Variants in GALNT12 observed in about 807,000 individuals in gnomAD.
GALNT12 encodes polypeptide N-acetylgalactosaminyltransferase 12.
Under a neutral mutation model 55.5 loss-of-function variants are expected in GALNT12, and 45 were observed. The ratio of observed to expected loss-of-function variants is 0.81; its 90% CI spans 0.64 to 1.04. The LOEUF (loss-of-function observed/expected upper bound fraction) is 1.04, where lower values mean the gene tolerates loss of function less well. GALNT12 is among the 50% of genes least tolerant of loss of function. GALNT12 has a pLI of 0.00. For synonymous variants in GALNT12, 304 were observed against 312.2 expected (o/e 0.97, Z 0.28); for missense variants, 709 against 754.8 (o/e 0.94, Z 0.71).
Position 98,831,777 on chromosome 9 carries a change from A to AT in GALNT12, c.738dup (p.Glu247Ter). On this transcript the variant is annotated frameshift_variant, in exon 4 of 10. Transcript: ENST00000375011. LOFTEE classifies it high-confidence loss of function. ...GATGTCTTGGGTGCTTTCAGGATCC[A>AT]TGAAGAGGAGTCGGCAGTGGTGTGC... 10 of 1,614,218 alleles carry AT rather than the reference A, an allele frequency of 6.2e-6. No individual in the cohort carries two copies. The highest frequency in any genetic ancestry group is 7.6e-6 in the Non-Finnish European group (9 of 1,180,046).
At chr9:98,845,873 G>T in intron 8 of GALNT12, 104 bp from the exon 9 acceptor site, 2 of 1,255,874 alleles carry the variant, frequency 1.6e-6, no homozygotes, top group South Asian at 1.3e-5. Context: ...GCAGGTGCAT[G>T]ACCCCACCCA....
intron 1 of GALNT12, among the ~76,000 whole-genome samples, chr9:98,813,691 G>A (rs1312721310): frequency 2.0e-5 from 3 of 151,824 alleles, no homozygotes; most frequent in East Asian, 1.9e-4. Flanking sequence ...GTAGAAACGG[G>A]GTTTCACCAT....
rs1238412781 is a variant in GALNT12 at position 98,807,836 on chromosome 9, G to GGCCGGC, written c.140_141insCGGCGC (p.Gly46_Ala47dup). ...GGGCGCAGCGTGGGGCCGGGGCCGGGGCTGCCGAGCCGGGACCCCCGCGCA... is the reference window on the plus strand; with the variant it reads ...GGGCGCAGCGTGGGGCCGGGGCCGGGGCCGGCGCTGCCGAGCCGGGACCCCCGCGCA... On this transcript the variant is annotated inframe_insertion, in exon 1 of 10. Coordinates refer to ENST00000375011, the MANE Select transcript of GALNT12 (RefSeq NM_024642.5). 2 of 1,016,458 alleles carry GGCCGGC rather than the reference G, an allele frequency of 2.0e-6. No homozygotes were observed. Among genetic ancestry groups the GGCCGGC allele is most frequent in the Non-Finnish European group, 2.3e-6 (2 of 852,742 alleles). 63.0% of individuals were successfully genotyped at this position (1,016,458 alleles called of 1,614,324 possible). A position where few individuals can be genotyped will look rare whatever the true frequency, so the allele number is the denominator to read the frequency against.
intron 1 of GALNT12, among the ~76,000 whole-genome samples, chr9:98,820,551 A>G (rs562486730): frequency 6.6e-6 from 1 of 152,380 alleles, no homozygotes; most frequent in East Asian, 1.9e-4. Context: ...TAGTACAGCA[A>G]TGAACATGCG....
At chr9:98,823,037 A>G (rs1474970729) in intron 1 of GALNT12, among the ~76,000 whole-genome samples, 5 of 152,216 alleles carry the variant, frequency 3.3e-5, no homozygotes, top group Non-Finnish European at 7.3e-5. Context: ...TTGACAGCTT[A>G]AAACAATATC....
intron 1 of GALNT12, among the ~76,000 whole-genome samples, chr9:98,814,315 A>G (rs1835565378): frequency 6.6e-6 from 1 of 152,204 alleles, no homozygotes. Flanking sequence ...GGTAAGACAC[A>G]AAAATGTACA....
rs1177891875 is a variant in GALNT12, at chr9:98,831,933, T to G, written c.893T>G (p.Met298Arg). 6.2e-7 allele frequency: 1 copy of G among 1,614,120 alleles called. No individual in the cohort carries two copies. The highest frequency in any genetic ancestry group is 1.1e-5 in the South Asian group (1 of 91,062). ...GTTCCTGAGAGGGAGAGGATACGGA[T>G]GCAATCCCCCGTCGATGTCATCAGG... is the stretch of plus-strand genomic sequence containing the variant. ...HTVPERERIR[M>R]QSPVDVIRSP... Residue 298 changes from methionine to arginine, a missense_variant, in exon 4 of 10, where the codon ATG (methionine) becomes AGG (arginine). Physicochemically the swap from Met to Arg is moderately conservative, Grantham distance 91. Coordinates refer to ENST00000375011, the MANE Select transcript of GALNT12 (RefSeq NM_024642.5).
intron 3 of GALNT12, 108 bp downstream of exon 3, chr9:98,827,049 C>A: frequency 8.6e-7 from 1 of 1,158,866 alleles, no homozygotes; most frequent in Non-Finnish European, 1.2e-6. Flanking sequence ...CTGGGCTCAG[C>A]TGCTTCTCTG....
At chr9:98,844,027 C>T (rs1836356004) in intron 7 of GALNT12, 69 bp from the exon 8 acceptor site, 2 of 1,088,764 alleles carry the variant, frequency 1.8e-6, no homozygotes, top group South Asian at 1.3e-5. Flanking sequence ...GTACCCTCCC[C>T]AAGCCTTGTG....
chr9:98,826,622 C>A (rs2118374914), intron 2 of GALNT12, 130 bp from the exon 3 acceptor site: 2 of 924,840 alleles, frequency 2.2e-6, no homozygotes, highest in Non-Finnish European at 1.7e-6. Flanking sequence ...TCCCAGGTGG[C>A]AGAGCAAAGG....
intron 7 of GALNT12, among the ~76,000 whole-genome samples, chr9:98,842,270 A>G (rs557667222): frequency 6.6e-6 from 1 of 152,116 alleles, no homozygotes; most frequent in Non-Finnish European, 1.5e-5. Flanking sequence ...TGTAGCCTGG[A>G]TCACTGGGCT....
Position 98,836,045 on chromosome 9 carries a change from A to G in GALNT12, c.1035+679A>G, listed in dbSNP as rs570498610. 5.3e-5 allele frequency among the ~76,000 whole-genome samples: 8 copies of G among 152,304 alleles called. No individual in the cohort carries two copies. The East Asian group carries it at 1.2e-3, about 22-fold the overall frequency. ...GCCACTGCACCCAGCCAACACATGT[A>G]AGAATTGCTGGGTAAACTTGTTAGA... On this transcript the variant is annotated intron_variant, in intron 5 of 9. Transcript: ENST00000375011.
intron 3 of GALNT12, 34 bp downstream of exon 3, chr9:98,826,975 T>C (rs1057170786): frequency 2.6e-6 from 4 of 1,549,364 alleles, no homozygotes; most frequent in Non-Finnish European, 3.5e-6. Flanking sequence ...AGAGACAGCA[T>C]GTTACCTGGA....
chr9:98,844,437 A>G, intron 8 of GALNT12: 1 of 532,602 alleles, frequency 1.9e-6, no homozygotes, highest in Non-Finnish European at 3.4e-6. Context: ...TAATGTCTGT[A>G]TGTTTTATAT....
chr9:98,819,430 A>G (rs1835688089), intron 1 of GALNT12, among the ~76,000 whole-genome samples: 1 of 152,164 alleles, frequency 6.6e-6, no homozygotes, highest in Non-Finnish European at 1.5e-5. Flanking sequence ...CAGAGCTTTC[A>G]TGCTTCCAGC....
chr9:98,835,245 T>C lies in GALNT12; in HGVS notation c.918-4T>C, dbSNP rs770442686. 6.3e-7 allele frequency: 1 copy of C among 1,598,294 alleles called. No homozygotes were observed. The highest frequency in any genetic ancestry group is 8.6e-7 in the Non-Finnish European group (1 of 1,165,442). On this transcript the variant is annotated splice_region_variant and splice_polypyrimidine_tract_variant and intron_variant, in intron 4 of 9. Coordinates refer to ENST00000375011, the MANE Select transcript of GALNT12 (RefSeq NM_024642.5). ...AGTGAAATAAGGATATCATACTTTTTTAGGTCTCCAACAATGGCTGGTGGG... is the reference window on the plus strand; with the variant it reads ...AGTGAAATAAGGATATCATACTTTTCTAGGTCTCCAACAATGGCTGGTGGG...
intron 1 of GALNT12, among the ~76,000 whole-genome samples, chr9:98,812,215 C>A (rs1016678387): frequency 6.6e-6 from 1 of 152,086 alleles, no homozygotes; most frequent in Admixed American, 6.6e-5. Flanking sequence ...TTTCCTGATA[C>A]CTTTTTCTTT....
chr9:98,822,661 T>C (rs1172372479), intron 1 of GALNT12, among the ~76,000 whole-genome samples: 1 of 152,160 alleles, frequency 6.6e-6, no homozygotes. Context: ...TTGCTAAGCC[T>C]AGACAGTATT....
At chr9:98,846,327 G>A (rs1836413573) in intron 9 of GALNT12, among the ~76,000 whole-genome samples, 1 of 152,060 alleles carries the variant, frequency 6.6e-6, no homozygotes, top group South Asian at 2.1e-4. Context: ...CCTGGCACAC[G>A]GTGTCATTAG....
Sources: gnomAD v4.1 joint callset for allele counts (sites outside exome capture counted in the v4.1 genomes callset) on GRCh38, gnomAD v4.1.1 for gene constraint, MANE v1.5 for transcripts, NCBI Gene and HGNC (gene_info 2026-07-23, HGNC 2026-07-21) for gene names.